RTN4RL1: variants seen among roughly 807,000 people sequenced by gnomAD.
RTN4RL1 encodes reticulon-4 receptor-like 1.
RTN4RL1 carries 7 observed loss-of-function variants against 25.6 expected under a neutral mutation model. The ratio of observed to expected loss-of-function variants is 0.27; its 90% CI spans 0.16 to 0.51. The LOEUF (loss-of-function observed/expected upper bound fraction) is 0.51, where lower values mean the gene tolerates loss of function less well. RTN4RL1 is among the 20% of genes least tolerant of loss of function. The pLI is 0.97. For missense variants in RTN4RL1, 500 were observed against 615.6 expected, an observed-to-expected ratio of 0.81 and a Z score of 1.99; for synonymous variants, 297 against 288.2, an observed-to-expected ratio of 1.03 and a Z score of -0.31.
intron 1 of RTN4RL1, among the ~76,000 whole-genome samples, chr17:2,015,570 G>T (rs1012345333): frequency 1.3e-5 from 2 of 152,234 alleles, no homozygotes; most frequent in African/African-American, 4.8e-5. Context: ...TGCCATCAGG[G>T]AAGCCGGGGA....
At chr17:1,966,384 C>T (rs954671892) in intron 1 of RTN4RL1, among the ~76,000 whole-genome samples, 2 of 152,274 alleles carry the variant, frequency 1.3e-5, no homozygotes, top group Non-Finnish European at 2.9e-5. Flanking sequence ...CCTAAGGCTA[C>T]AGCTGGGCAG....
intron 1 of RTN4RL1, among the ~76,000 whole-genome samples, chr17:1,964,783 CTTTTCTTT>C (rs1567511289): frequency 1.5e-5 from 2 of 133,266 alleles, no homozygotes; most frequent in Non-Finnish European, 3.3e-5. Flanking sequence ...CATTTCTTTT[CTTTTCTTT>C]TTTTTTTTTT....
At chr17:2,019,246 G>A (rs2067168390) in intron 1 of RTN4RL1, 2 of 152,270 alleles carry the variant, frequency 1.3e-5, no homozygotes, top group African/African-American at 4.8e-5. Flanking sequence ...TGGAGGTCCT[G>A]GCTTCTGCCG....
chr17:1,936,958 C>T lies in RTN4RL1; in HGVS notation c.864G>A (p.Arg288=). 6.2e-7 allele frequency: 1 copy of T among 1,608,246 alleles called. No homozygotes were observed. Residue 288 remains arginine, a synonymous_variant, in exon 2 of 2, where the codon CGG becomes CGA. Coordinates refer to ENST00000331238, the MANE Select transcript of RTN4RL1 (RefSeq NM_178568.4). ...TCAGCAGCTTCAGGTCCTGGCCGTG[C>T]CGCAGCCCAGGGGACACACAGGGGA... ...SAVPCVSPGL[R]HGQDLKLLRA...
In RTN4RL1 at chr17:1,998,671, G is replaced by A. The variant is rs1207128649; in HGVS notation, c.13+26182C>T. Among the ~76,000 whole-genome samples the A allele has an allele frequency of 2.0e-5, 3 of 151,782 alleles. No homozygotes were observed. Among genetic ancestry groups the A allele is most frequent in the Middle Eastern group, 3.4e-3 (1 of 290 alleles). The stretch of plus-strand genomic sequence containing the variant: ...ATGTGGCCTCCGAGGTCGCCGCGGC[G>A]CTTTCCTGCCCAAGCTGGCGCTGCC... On this transcript the variant is annotated intron_variant, in intron 1 of 1. Coordinates refer to ENST00000331238, the MANE Select transcript of RTN4RL1 (RefSeq NM_178568.4). This position sits in a 1 kb window ranked among gnomAD's most constrained non-coding sequence, Gnocchi z 4.9.
intron 1 of RTN4RL1, among the ~76,000 whole-genome samples, chr17:1,940,190 A>G (rs768217611): frequency 2.0e-4 from 31 of 152,198 alleles, no homozygotes; most frequent in Non-Finnish European, 4.0e-4. Context: ...GTCCCCTGTA[A>G]TCACCCGGCT....
rs956610764 is a variant in RTN4RL1 at position 1,956,234 on chromosome 17, A to T, written c.14-18426T>A. On this transcript the variant is annotated intron_variant, in intron 1 of 1. Transcript: ENST00000331238. ...CCCACCACCCAGCGGGGTGCAGGCG[A>T]ATAGGTAAACAGGCACTCGTCAAAC... 3.3e-5 allele frequency among the ~76,000 whole-genome samples: 5 copies of T among 152,158 alleles called. No homozygotes were observed. In the East Asian group the frequency reaches 5.8e-4, roughly 18 times the overall value.
chr17:1,997,310 G>T (rs1292634405), intron 1 of RTN4RL1, among the ~76,000 whole-genome samples: 1 of 152,158 alleles, frequency 6.6e-6, no homozygotes, highest in Admixed American at 6.5e-5. Context: ...CTTTGTCTGG[G>T]ATGCTTTTTC....
chr17:1,981,236 C>G (rs1411083781), intron 1 of RTN4RL1, among the ~76,000 whole-genome samples: 1 of 151,758 alleles, frequency 6.6e-6, no homozygotes, highest in African/African-American at 2.4e-5. Flanking sequence ...TTAAAATTAT[C>G]TGGGTATAGT....
At chr17:1,996,071 CAGG>C (rs954958198) in intron 1 of RTN4RL1, among the ~76,000 whole-genome samples, 6 of 152,170 alleles carry the variant, frequency 3.9e-5, no homozygotes, top group African/African-American at 1.2e-4. Flanking sequence ...GGCTGCCTGG[CAGG>C]AGAAGGGACT....
intron 1 of RTN4RL1, among the ~76,000 whole-genome samples, chr17:2,014,303 G>A (rs2067090753): frequency 6.6e-6 from 1 of 152,152 alleles, no homozygotes; most frequent in Non-Finnish European, 1.5e-5. Flanking sequence ...AACTGGCGGG[G>A]AAGACAGATC....
Position 2,025,150 on chromosome 17 carries a change from T to G in RTN4RL1, c.-285A>C. On this transcript the variant is annotated 5_prime_UTR_variant, in exon 1 of 2. Coordinates refer to ENST00000331238, the MANE Select transcript of RTN4RL1 (RefSeq NM_178568.4). The surrounding 1 kb of genome is among the most constrained non-coding windows in gnomAD (Gnocchi z 4.8). ...TGCTCCGCGGAGCCGGCGGCCTGCT[T>G]CTGCCACCCGGAGCACTTCGCAGGC... is the stretch of plus-strand genomic sequence containing the variant. 3.3e-6 allele frequency: 1 copy of G among 303,940 alleles called. No homozygotes were observed. 18.8% of individuals were successfully genotyped at this position (303,940 alleles called of 1,614,324 possible).
At chr17:1,974,871 C>A (rs1029752551) in intron 1 of RTN4RL1, among the ~76,000 whole-genome samples, 16 of 152,226 alleles carry the variant, frequency 1.1e-4, no homozygotes, top group African/African-American at 3.9e-4. Flanking sequence ...GCTTCCCAGG[C>A]ATGGTGCCTG....
At chr17:1,954,523 G>T (rs1247361039) in intron 1 of RTN4RL1, among the ~76,000 whole-genome samples, 2 of 151,986 alleles carry the variant, frequency 1.3e-5, no homozygotes, top group Non-Finnish European at 2.9e-5. Flanking sequence ...AAGTAGCTGG[G>T]ATTACAGGTG....
At position 1,998,027 on chromosome 17, in the gene RTN4RL1, C is replaced by T. The variant is rs1285003649; in HGVS notation, c.13+26826G>A. On this transcript the variant is annotated intron_variant, in intron 1 of 1. Coordinates refer to ENST00000331238, the MANE Select transcript of RTN4RL1 (RefSeq NM_178568.4). This position sits in a 1 kb window ranked among gnomAD's most constrained non-coding sequence, Gnocchi z 4.9. ...GATGTCCCCCTCAGGGTGCCGGGCG[C>T]CCCACCCCCACCCCCGCCTCCGCCC... 6.6e-6 allele frequency among the ~76,000 whole-genome samples: 1 copy of T among 152,194 alleles called. No homozygotes were observed. The highest frequency in any genetic ancestry group is 2.4e-5 in the African/African-American group (1 of 41,554).
At chr17:1,969,167 TC>T (rs375980983) in intron 1 of RTN4RL1, among the ~76,000 whole-genome samples, 3 of 145,202 alleles carry the variant, frequency 2.1e-5, no homozygotes, top group African/African-American at 5.1e-5. Flanking sequence ...AAAACGATTC[TC>T]CTGCCTCAGC....
At chr17:1,990,791 C>T (rs771461361) in intron 1 of RTN4RL1, among the ~76,000 whole-genome samples, 1 of 152,184 alleles carries the variant, frequency 6.6e-6, no homozygotes, top group Admixed American at 6.5e-5. Context: ...ACTACAGATG[C>T]GCTTCTGAGT....
At chr17:1,986,858 C>T (rs542130936) in intron 1 of RTN4RL1, among the ~76,000 whole-genome samples, 1 of 152,250 alleles carries the variant, frequency 6.6e-6, no homozygotes, top group East Asian at 1.9e-4. Context: ...CTGCCCACCA[C>T]ATGACACAAT....
At chr17:1,979,885 C>T (rs569403671) in intron 1 of RTN4RL1, among the ~76,000 whole-genome samples, 2 of 152,106 alleles carry the variant, frequency 1.3e-5, no homozygotes, top group Admixed American at 6.5e-5. Flanking sequence ...CCCGGAATTG[C>T]GTGGAGAAGG....
Sources: allele counts gnomAD v4.1 joint callset (sites outside exome capture counted in the v4.1 genomes callset), GRCh38; gene constraint gnomAD v4.1.1; non-coding constraint Gnocchi (gnomAD v3.1); transcripts MANE v1.5; gene names NCBI Gene and HGNC (gene_info 2026-07-23, HGNC 2026-07-21).